Variants in C6orf58 observed in about 807,000 individuals in gnomAD.
C6orf58 encodes chromosome 6 open reading frame 58, also known as protein LEG1 homolog.
Under a neutral mutation model 37.0 loss-of-function variants are expected in C6orf58, and 30 were observed. That is an observed-to-expected ratio of 0.81 (90% confidence interval 0.61 to 1.10). C6orf58 has a LOEUF of 1.10. Ranked by LOEUF, C6orf58 falls within the 50% of genes least tolerant of loss-of-function variation. The pLI, the probability that C6orf58 is intolerant of heterozygous loss-of-function variation, is 0.00. For synonymous variants in C6orf58, 143 were observed against 134.1 expected (o/e 1.07, Z -0.46); for missense variants, 368 against 387.5 (o/e 0.95, Z 0.42).
At chr6:127,580,795 G>T (rs1190885159) in intron 3 of C6orf58, among the ~76,000 whole-genome samples, 1 of 151,998 alleles carries the variant, frequency 6.6e-6, no homozygotes, top group Non-Finnish European at 1.5e-5. Context: ...ATGAAGAAAA[G>T]ATATATTTAC....
chr6:127,590,242 C>G lies in C6orf58; in HGVS notation c.830C>G (p.Ala277Gly). Reference protein sequence around the residue: ...PPRILLNTDVAPFISDFTAFQ... With the variant: ...PPRILLNTDVGPFISDFTAFQ... ...CGAATTCTTCTTAATACTGATGTAG[C>G]CCCTTTCATCAGTGACTTTACTGCT... Residue 277 changes from alanine to glycine, a missense_variant, in exon 5 of 6, where the codon GCC becomes GGC. Physicochemically the swap from Ala to Gly is moderately conservative, Grantham distance 60. Coordinates refer to ENST00000329722, the MANE Select transcript of C6orf58 (RefSeq NM_001010905.3). The G allele has an allele frequency of 1.2e-6, 2 of 1,613,250 alleles. No homozygotes were observed. The highest frequency in any genetic ancestry group is 1.7e-6 in the Non-Finnish European group (2 of 1,179,416).
intron 3 of C6orf58, among the ~76,000 whole-genome samples, chr6:127,580,870 T>A (rs1022503734): frequency 6.6e-6 from 1 of 152,098 alleles, no homozygotes; most frequent in Non-Finnish European, 1.5e-5. Context: ...GATATTTTTG[T>A]TACTCACGAT....
At chr6:127,580,686 G>A (rs747011691) in intron 3 of C6orf58, among the ~76,000 whole-genome samples, 7 of 151,958 alleles carry the variant, frequency 4.6e-5, no homozygotes, top group Non-Finnish European at 1.0e-4. Flanking sequence ...TACAAAAATG[G>A]TGAGCATACA....
intron 1 of C6orf58, 94 bp from the exon 2 acceptor site, chr6:127,578,592 G>C (rs1295660181): frequency 3.5e-5 from 26 of 733,516 alleles, no homozygotes; most frequent in Non-Finnish European, 5.6e-5. Flanking sequence ...AAATGCTTTT[G>C]TATCTACAAA....
chr6:127,580,946 C>T (rs1562159608), intron 3 of C6orf58, among the ~76,000 whole-genome samples: 1 of 151,932 alleles, frequency 6.6e-6, no homozygotes, highest in Non-Finnish European at 1.5e-5. Context: ...AATATAAACT[C>T]TGAAAATACT....
chr6:127,588,998 T>C (rs1298164312), intron 4 of C6orf58, among the ~76,000 whole-genome samples: 1 of 152,142 alleles, frequency 6.6e-6, no homozygotes, highest in African/African-American at 2.4e-5. Flanking sequence ...CCCACAAGCA[T>C]AGGAATCAAA....
At chr6:127,579,637 T>G (rs1331886093) in intron 2 of C6orf58, among the ~76,000 whole-genome samples, 1 of 152,066 alleles carries the variant, frequency 6.6e-6, no homozygotes, top group Non-Finnish European at 1.5e-5. Flanking sequence ...ATCCAACTAA[T>G]GAAAATGTCT....
rs1275205661 is a variant in C6orf58 at position 127,578,670 on chromosome 6, A to G, written c.302-16A>G. 1 of 1,593,592 alleles carries G rather than the reference A, an allele frequency of 6.3e-7. No individual in the cohort carries two copies. Among genetic ancestry groups the G allele is most frequent in the African/African-American group, 1.3e-5 (1 of 74,344 alleles). ...ATGCGTATAATAAATACGACTGTGC[A>G]TCCTCTCTCCTCCAGGCAGATTAGC... On this transcript the variant is annotated splice_polypyrimidine_tract_variant and intron_variant, in intron 1 of 5. Transcript: ENST00000329722.
At chr6:127,585,490 A>G (rs1775097720) in intron 4 of C6orf58, among the ~76,000 whole-genome samples, 2 of 152,234 alleles carry the variant, frequency 1.3e-5, no homozygotes, top group Non-Finnish European at 2.9e-5. Flanking sequence ...GATCTTTTAT[A>G]GAGAGGACTC....
intron 4 of C6orf58, 150 bp from the exon 5 acceptor site, chr6:127,589,937 G>GA: frequency 1.6e-6 from 1 of 615,036 alleles, no homozygotes; most frequent in South Asian, 2.1e-5. Flanking sequence ...CTGAGGGATG[G>GA]AATAAAGTCA....
Position 127,580,284 on chromosome 6 carries a change from T to G in C6orf58, c.408T>G (p.Ser136=). Residue 136 remains serine, a synonymous_variant, in exon 3 of 6, where the codon TCT becomes TCG. Transcript: ENST00000329722. The stretch of plus-strand genomic sequence containing the variant: ...TTACAGATTTGAATTATTTTCTGTC[T>G]TCATTACCCTTTCTTGCTGCGGTTG... ...SWWADLNYFL[S]SLPFLAAVDS... 1 of 1,611,632 alleles carries G rather than the reference T, an allele frequency of 6.2e-7. No homozygotes were observed. The highest frequency in any genetic ancestry group is 8.5e-7 in the Non-Finnish European group (1 of 1,178,448).
rs187501399 is a variant in C6orf58 at position 127,590,112 on chromosome 6, G to T, written c.700G>T (p.Ala234Ser). ...ATATGATTATTATTCTAAAGCAGAA[G>T]CGCATTTTGAGAGAAGTTGGGTACT... The part of the protein sequence containing the change: ...DRYDYYSKAE[A>S]HFERSWVLAV... The change falls in exon 5 of 6, where the codon GCG (alanine) becomes TCG (serine). Residue 234 changes from alanine to serine, a missense_variant. Transcript: ENST00000329722. 6.2e-7 allele frequency: 1 copy of T among 1,612,924 alleles called. No individual in the cohort carries two copies. The highest frequency in any genetic ancestry group is 2.2e-5 in the East Asian group (1 of 44,850).
intron 4 of C6orf58, among the ~76,000 whole-genome samples, chr6:127,588,600 T>A (rs1487683147): frequency 2.0e-5 from 3 of 152,208 alleles, no homozygotes; most frequent in African/African-American, 7.2e-5. Context: ...CAACTTTATG[T>A]GAATCATTTC....
Position 127,590,160 on chromosome 6 carries a change from G to C in C6orf58, c.748G>C (p.Val250Leu), listed in dbSNP as rs1304294571. ...WVLAVDHLAA[V>L]LFPTTLIRSY... Reference sequence around the variant, plus strand: ...ACTGGCTGTGGATCATTTAGCTGCAGTCCTCTTTCCTACAACCTTGATTAG... The same window carrying C: ...ACTGGCTGTGGATCATTTAGCTGCACTCCTCTTTCCTACAACCTTGATTAG... The change falls in exon 5 of 6, where the codon GTC becomes CTC. Residue 250 changes from valine (V) to leucine (L), a missense_variant. Val to Leu is a conservative substitution (Grantham distance 32). Coordinates refer to ENST00000329722, the MANE Select transcript of C6orf58 (RefSeq NM_001010905.3). 6.2e-7 allele frequency: 1 copy of C among 1,613,830 alleles called. No individual in the cohort carries two copies. The highest frequency in any genetic ancestry group is 8.5e-7 in the Non-Finnish European group (1 of 1,179,822).
chr6:127,588,220 A>G (rs73773812), intron 4 of C6orf58, among the ~76,000 whole-genome samples: 6,570 of 152,314 alleles, frequency 0.043, 352 homozygotes, highest in African/African-American at 0.12. Flanking sequence ...AAGAATAACC[A>G]AATTGTGAAA....
chr6:127,578,919 T>A, intron 2 of C6orf58, 147 bp downstream of exon 2: 1 of 577,306 alleles, frequency 1.7e-6, no homozygotes. Context: ...TTATGGCCTT[T>A]AGGTCACTTT....
At position 127,591,771 on chromosome 6, in the gene C6orf58, T is replaced by A; in HGVS notation, c.*149T>A. On this transcript the variant is annotated 3_prime_UTR_variant, in exon 6 of 6. Transcript: ENST00000329722. ...TTTGATTTATGCTTATTTGTTAAGATCTTGTACATGTATTAAAAACTTAAA... is the reference window on the plus strand; with the variant it reads ...TTTGATTTATGCTTATTTGTTAAGAACTTGTACATGTATTAAAAACTTAAA... The A allele has an allele frequency of 1.1e-5, 7 of 636,822 alleles. No individual in the cohort carries two copies. The highest frequency in any genetic ancestry group is 1.6e-5 in the Non-Finnish European group (7 of 442,784). 39.4% of individuals were successfully genotyped at this position (636,822 alleles called of 1,614,324 possible).
intron 1 of C6orf58, among the ~76,000 whole-genome samples, chr6:127,578,160 A>T (rs1326818551): frequency 6.6e-6 from 1 of 152,132 alleles, no homozygotes; most frequent in Non-Finnish European, 1.5e-5. Flanking sequence ...ATTTGGAAGA[A>T]AAACAATGAT....
intron 2 of C6orf58, among the ~76,000 whole-genome samples, chr6:127,579,170 C>T (rs1775021691): frequency 6.6e-6 from 1 of 152,060 alleles, no homozygotes; most frequent in Non-Finnish European, 1.5e-5. Context: ...TATTGAAACC[C>T]ATAAACATGC....
Sources: allele counts gnomAD v4.1 joint callset (sites outside exome capture counted in the v4.1 genomes callset), GRCh38; gene constraint gnomAD v4.1.1; transcripts MANE v1.5; gene names NCBI Gene and HGNC (gene_info 2026-07-23, HGNC 2026-07-21).